TBC1D9: variants seen among roughly 807,000 people sequenced by gnomAD.
The protein encoded by TBC1D9 is TBC1 domain family member 9A.
TBC1D9 carries 63 observed loss-of-function variants against 132.0 expected under a neutral mutation model. The ratio of observed to expected loss-of-function variants is 0.48; its 90% CI spans 0.39 to 0.59. TBC1D9 has a LOEUF of 0.59. Among genes scored for constraint, TBC1D9 ranks in the 20% least tolerant of loss-of-function variants. The probability of loss-of-function intolerance (pLI) is 0.00; values close to 1 mark genes in which losing one functional copy is unlikely to be tolerated. For missense variants in TBC1D9, 1,261 were observed against 1,592.7 expected (o/e 0.79, Z 3.54); for synonymous variants, 610 against 609.9 (o/e 1.00, Z 0.00).
chr4:140,737,866 A>G (rs1393132536), intron 1 of TBC1D9, among the ~76,000 whole-genome samples: 2 of 152,194 alleles, frequency 1.3e-5, no homozygotes, highest in African/African-American at 2.4e-5. Context: ...AGCTGATAAA[A>G]AGTGGAGCCT....
chr4:140,685,367 A>G (rs1737763322), intron 3 of TBC1D9, among the ~76,000 whole-genome samples: 1 of 152,244 alleles, frequency 6.6e-6, no homozygotes, highest in South Asian at 2.1e-4. Flanking sequence ...TGAGAAGGAC[A>G]CAGGATCACC....
chr4:140,692,319 T>G (rs2111031326), intron 2 of TBC1D9, among the ~76,000 whole-genome samples: 1 of 152,308 alleles, frequency 6.6e-6, no homozygotes, highest in Admixed American at 6.5e-5. Context: ...GAATTGCACT[T>G]GAAGCTAATT....
At chr4:140,648,938 C>T (rs955992903) in intron 13 of TBC1D9, among the ~76,000 whole-genome samples, 5 of 152,158 alleles carry the variant, frequency 3.3e-5, no homozygotes, top group African/African-American at 9.7e-5. Context: ...CATTCCTGAG[C>T]GGAACAAGAG....
intron 13 of TBC1D9, chr4:140,643,578 A>G (rs6812681): frequency 0.76 from 675,514 of 889,934 alleles, 256,768 homozygotes; most frequent in African/African-American, 0.86. Context: ...GGGCTCGCTC[A>G]GGGCCGCCTG....
intron 1 of TBC1D9, among the ~76,000 whole-genome samples, chr4:140,707,831 C>T (rs929717485): frequency 6.6e-6 from 1 of 152,206 alleles, no homozygotes; most frequent in Admixed American, 6.5e-5. Context: ...GCATGTGTCC[C>T]TGTTTTCTCC....
At position 140,624,137 on chromosome 4, in the gene TBC1D9, C is replaced by T; in HGVS notation, c.3057G>A (p.Lys1019=). Residue 1019 remains lysine (K), a synonymous_variant, in exon 20 of 21, where the codon AAG becomes AAA. Coordinates refer to ENST00000442267, the MANE Select transcript of TBC1D9 (RefSeq NM_015130.3). ...PENKSKSKNA[K]DLPKLNQGQF... ...TTACCTGATTTAATTTGGGTAAATCCTTTGCATTCTTTGACTTAGATTTAT... is the reference window on the plus strand; with the variant it reads ...TTACCTGATTTAATTTGGGTAAATCTTTTGCATTCTTTGACTTAGATTTAT... 1 of 1,608,884 alleles carries T rather than the reference C, an allele frequency of 6.2e-7. No individual in the cohort carries two copies. Among genetic ancestry groups the T allele is most frequent in the Non-Finnish European group, 8.5e-7 (1 of 1,177,154 alleles).
At chr4:140,714,238 T>G (rs903583365) in intron 1 of TBC1D9, among the ~76,000 whole-genome samples, 3 of 152,194 alleles carry the variant, frequency 2.0e-5, no homozygotes, top group African/African-American at 4.8e-5. Flanking sequence ...GAGCCAAATA[T>G]GAGTGTTCAA....
chr4:140,713,785 A>G (rs1738287389), intron 1 of TBC1D9, among the ~76,000 whole-genome samples: 1 of 152,000 alleles, frequency 6.6e-6, no homozygotes, highest in African/African-American at 2.4e-5. Context: ...AGTAATTTCT[A>G]TACTATTGGA....
chr4:140,659,074 T>A (rs565351744), intron 11 of TBC1D9, among the ~76,000 whole-genome samples: 1 of 152,288 alleles, frequency 6.6e-6, no homozygotes, highest in Non-Finnish European at 1.5e-5. Context: ...ATCACTGATA[T>A]TTGAGAGAAT....
chr4:140,687,501 G>T (rs1216333143), intron 2 of TBC1D9, among the ~76,000 whole-genome samples: 1 of 150,328 alleles, frequency 6.7e-6, no homozygotes, highest in Admixed American at 6.7e-5. Flanking sequence ...TATTTTAATT[G>T]ATTTCTTTAA....
chr4:140,694,713 T>C (rs534478515), intron 2 of TBC1D9, among the ~76,000 whole-genome samples: 89 of 149,460 alleles, frequency 6.0e-4, no homozygotes, highest in Middle Eastern at 3.6e-3. Context: ...ACTGTAAATA[T>C]ATAGTATACA....
Position 140,756,227 on chromosome 4 carries a change from C to G in TBC1D9, c.-182G>C, listed in dbSNP as rs1191209735. The G allele has an allele frequency of 2.8e-6, 1 of 360,878 alleles. No homozygotes were observed. The highest frequency in any genetic ancestry group is 4.8e-6 in the Non-Finnish European group (1 of 206,330). The allele number at this position is 360,878 out of a possible 1,614,324, so 22.4% of individuals were successfully genotyped here. A position where few individuals can be genotyped will look rare whatever the true frequency, so the allele number is the denominator to read the frequency against. On this transcript the variant is annotated 5_prime_UTR_variant, in exon 1 of 21. Coordinates refer to ENST00000442267, the MANE Select transcript of TBC1D9 (RefSeq NM_015130.3). This position sits in a 1 kb window ranked among gnomAD's most constrained non-coding sequence, Gnocchi z 5.6. ...CGGCGTCCGGGCCACAACAAAGCCC[C>G]AGCAGGCGGCCCGGGAGGACGGTGA... is the stretch of plus-strand genomic sequence containing the variant.
intron 18 of TBC1D9, among the ~76,000 whole-genome samples, chr4:140,625,229 T>G (rs1007616941): frequency 2.0e-5 from 3 of 152,194 alleles, no homozygotes; most frequent in Non-Finnish European, 4.4e-5. Flanking sequence ...ACTCACTCTT[T>G]CAAGGAAATT....
At chr4:140,713,110 A>AT (rs1560893581) in intron 1 of TBC1D9, among the ~76,000 whole-genome samples, 2 of 152,082 alleles carry the variant, frequency 1.3e-5, no homozygotes, top group Non-Finnish European at 2.9e-5. Flanking sequence ...TAATTTTTAA[A>AT]TTTTTTTATA....
At chr4:140,699,918 C>T (rs765782339) in intron 2 of TBC1D9, among the ~76,000 whole-genome samples, 1 of 151,318 alleles carries the variant, frequency 6.6e-6, no homozygotes, top group Admixed American at 6.6e-5. Flanking sequence ...CAAGTAGAGG[C>T]AAAAAAATAA....
At chr4:140,687,382 A>G (rs1444532520) in intron 2 of TBC1D9, among the ~76,000 whole-genome samples, 2 of 79,498 alleles carry the variant, frequency 2.5e-5, no homozygotes, top group African/African-American at 8.3e-5. Flanking sequence ...ATATATATAT[A>G]TATATATATA....
At chr4:140,709,819 T>C (rs1161411662) in intron 1 of TBC1D9, among the ~76,000 whole-genome samples, 1 of 152,162 alleles carries the variant, frequency 6.6e-6, no homozygotes, top group African/African-American at 2.4e-5. Context: ...CTAGATCCCT[T>C]GCATGTGCAG....
At chr4:140,663,497 C>G (rs1198758884) in intron 9 of TBC1D9, among the ~76,000 whole-genome samples, 1 of 152,090 alleles carries the variant, frequency 6.6e-6, no homozygotes, top group East Asian at 1.9e-4. Flanking sequence ...ATTCCTTAAA[C>G]TAAAAATAGA....
At chr4:140,695,119 G>A (rs894256090) in intron 2 of TBC1D9, among the ~76,000 whole-genome samples, 1 of 152,116 alleles carries the variant, frequency 6.6e-6, no homozygotes, top group African/African-American at 2.4e-5. Flanking sequence ...TAAACTCTGG[G>A]TCTTACCAGC....
Sources: allele counts gnomAD v4.1 joint callset (sites outside exome capture counted in the v4.1 genomes callset), GRCh38; gene constraint gnomAD v4.1.1; non-coding constraint Gnocchi (gnomAD v3.1); transcripts MANE v1.5; gene names NCBI Gene and HGNC (gene_info 2026-07-23, HGNC 2026-07-21).